The following FMO3 variants were observed in gnomAD, a reference collection of about 807,000 sequenced individuals.
The protein encoded by FMO3 is flavin containing dimethylaniline monoxygenase 3.
In FMO3, 40 loss-of-function variants were observed where a neutral mutation model predicts 39.4. The ratio of observed to expected loss-of-function variants is 1.02; its 90% CI spans 0.79 to 1.32. The LOEUF (loss-of-function observed/expected upper bound fraction) is 1.32. FMO3 is among the 40% of genes most tolerant of loss of function. The pLI, the probability that FMO3 is intolerant of heterozygous loss-of-function variation, is 0.00. For synonymous variants in FMO3, 219 were observed against 228.8 expected (o/e 0.96, Z 0.39); for missense variants, 680 against 651.8 (o/e 1.04, Z -0.47).
chr1:171,109,525 T>C (rs967055052), intron 5 of FMO3, among the ~76,000 whole-genome samples: 2 of 134,956 alleles, frequency 1.5e-5, no homozygotes, highest in Non-Finnish European at 3.1e-5. Flanking sequence ...TTTAGTCTCT[T>C]CTTTTTTTTT....
In FMO3 at chr1:171,117,418, C is replaced by A; in HGVS notation, c.1575C>A (p.Ile525=). The A allele has an allele frequency of 6.2e-7, 1 of 1,613,524 alleles. No homozygotes were observed. The highest frequency in any genetic ancestry group is 8.5e-7 in the Non-Finnish European group (1 of 1,179,726). Residue 525 remains isoleucine, a synonymous_variant, in exon 9 of 9, where the codon ATC becomes ATA. Coordinates refer to ENST00000367755, the MANE Select transcript of FMO3 (RefSeq NM_001002294.3). ...TCTTTGCAATTCCTATTCTGTTAAT[C>A]GCTGTTTTCCTTGTGTTGACCTAAT... ...LKLFAIPILL[I]AVFLVLT
At chr1:171,110,166 T>G (rs1655842215) in intron 5 of FMO3, among the ~76,000 whole-genome samples, 1 of 152,332 alleles carries the variant, frequency 6.6e-6, no homozygotes, top group East Asian at 1.9e-4. Context: ...CATTAATAAG[T>G]AGGAGAGCCA....
chr1:171,108,242 G>A (rs762128477), intron 5 of FMO3, 21 bp downstream of exon 5: 24 of 1,613,272 alleles, frequency 1.5e-5, no homozygotes, highest in African/African-American at 5.3e-5. Flanking sequence ...CCGGGTACTC[G>A]GGTGACTCTC....
At chr1:171,112,164 G>A (rs1266281469) in intron 6 of FMO3, among the ~76,000 whole-genome samples, 1 of 152,250 alleles carries the variant, frequency 6.6e-6, no homozygotes, top group African/African-American at 2.4e-5. Flanking sequence ...AGAATGAGGG[G>A]AGAATGCCAG....
At chr1:171,116,783 C>A (rs895595229) in intron 8 of FMO3, among the ~76,000 whole-genome samples, 3 of 152,142 alleles carry the variant, frequency 2.0e-5, no homozygotes, top group African/African-American at 7.2e-5. Context: ...ATAGAAGGGT[C>A]ATTTGAGCAA....
intron 2 of FMO3, among the ~76,000 whole-genome samples, chr1:171,093,513 A>G (rs1352632946): frequency 6.6e-6 from 1 of 150,892 alleles, no homozygotes; most frequent in East Asian, 1.9e-4. Context: ...ATACATACAT[A>G]TATATGTATA....
chr1:171,106,239 C>A (rs1306888631), intron 3 of FMO3, among the ~76,000 whole-genome samples: 1 of 151,758 alleles, frequency 6.6e-6, no homozygotes, highest in African/African-American at 2.4e-5. Flanking sequence ...CTCCTAGGTT[C>A]AAGTGATTCT....
chr1:171,106,419 C>T (rs28363542), intron 3 of FMO3, among the ~76,000 whole-genome samples: 2,979 of 152,182 alleles, frequency 0.02, 40 homozygotes, highest in Middle Eastern at 0.051. Flanking sequence ...GGATTACAGG[C>T]GTAAGCCACC....
At chr1:171,093,006 G>A (rs1339293935) in intron 2 of FMO3, among the ~76,000 whole-genome samples, 2 of 152,084 alleles carry the variant, frequency 1.3e-5, no homozygotes, top group Non-Finnish European at 2.9e-5. Context: ...CTCCATTACA[G>A]TTCTCCCTTG....
chr1:171,116,695 C>T lies in FMO3; in HGVS notation c.1257-405C>T, dbSNP rs1352292677. 2.0e-5 allele frequency among the ~76,000 whole-genome samples: 3 copies of T among 152,150 alleles called. No homozygotes were observed. In the East Asian group the frequency reaches 5.8e-4, roughly 29 times the overall value. ...AGGTATACCTCTAATGAAAATGACT[C>T]AGAAAAGTGAGAATGAATCTGGAGA... On this transcript the variant is annotated intron_variant, in intron 8 of 8. Coordinates refer to ENST00000367755, the MANE Select transcript of FMO3 (RefSeq NM_001002294.3).
At chr1:171,106,021 A>G (rs533782000) in intron 3 of FMO3, among the ~76,000 whole-genome samples, 1 of 152,310 alleles carries the variant, frequency 6.6e-6, no homozygotes, top group East Asian at 1.9e-4. Flanking sequence ...AACTCTTATT[A>G]TAAAAAAGGA....
At chr1:171,111,445 C>T (rs764992050) in intron 6 of FMO3, among the ~76,000 whole-genome samples, 1 of 152,254 alleles carries the variant, frequency 6.6e-6, no homozygotes, top group East Asian at 1.9e-4. Context: ...TCAAAACAAA[C>T]CCAGATCTGC....
intron 2 of FMO3, 51 bp from the exon 3 acceptor site, chr1:171,103,734 T>A (rs765258464): frequency 1.4e-6 from 2 of 1,434,824 alleles, no homozygotes; most frequent in South Asian, 1.1e-5. Flanking sequence ...CTGACCATGA[T>A]CAGTATACTC....
intron 2 of FMO3, among the ~76,000 whole-genome samples, chr1:171,097,932 A>G (rs1655181562): frequency 6.6e-6 from 1 of 152,162 alleles, no homozygotes; most frequent in Admixed American, 6.5e-5. Flanking sequence ...TAGGTCTAAC[A>G]TTTAAGTCTT....
chr1:171,101,019 A>G (rs1655355844), intron 2 of FMO3: 2 of 433,048 alleles, frequency 4.6e-6, no homozygotes, highest in East Asian at 1.4e-4. Context: ...AGGTGATGTG[A>G]TGACCTCAAC....
intron 5 of FMO3, 141 bp from the exon 6 acceptor site, chr1:171,110,657 C>T: frequency 1.3e-6 from 1 of 775,586 alleles, no homozygotes; most frequent in Non-Finnish European, 2.3e-6. Flanking sequence ...TCAAAAAGGA[C>T]TGACAGCTGA....
Position 171,103,476 on chromosome 1 carries a change from A to G in FMO3, c.133-309A>G, listed in dbSNP as rs190674394. Among the ~76,000 whole-genome samples the G allele has an allele frequency of 1.1e-3, 169 of 152,326 alleles. 1 individual carries two copies. Among genetic ancestry groups the G allele is most frequent in the Admixed American group, 2.1e-3 (32 of 15,296 alleles). On this transcript the variant is annotated intron_variant, in intron 2 of 8. Coordinates refer to ENST00000367755, the MANE Select transcript of FMO3 (RefSeq NM_001002294.3). The stretch of plus-strand genomic sequence containing the variant: ...AACCCACCATTGATTTAAAAAATCC[A>G]AAAATAAAAATAAAAAATCAAAATC...
At chr1:171,091,150 T>C (rs1654682373) in intron 1 of FMO3, among the ~76,000 whole-genome samples, 169 bp downstream of exon 1, 1 of 151,008 alleles carries the variant, frequency 6.6e-6, no homozygotes, top group Non-Finnish European at 1.5e-5. Context: ...CACTTGAATC[T>C]GGGAGGCAGA....
Position 171,114,002 on chromosome 1 carries a change from T to A in FMO3, c.828-5T>A. On this transcript the variant is annotated splice_region_variant and splice_polypyrimidine_tract_variant and intron_variant, in intron 6 of 8. Coordinates refer to ENST00000367755, the MANE Select transcript of FMO3 (RefSeq NM_001002294.3). ...TTCCAATAATTGTCTCTGTTTTCCA[T>A]ACAGAGTCCTGAGGAAAGAGCCTGT... 1 of 1,552,646 alleles carries A rather than the reference T, an allele frequency of 6.4e-7. No homozygotes were observed. The highest frequency in any genetic ancestry group is 1.4e-5 in the African/African-American group (1 of 73,276).
Sources: allele counts gnomAD v4.1 joint callset (sites outside exome capture counted in the v4.1 genomes callset), GRCh38; gene constraint gnomAD v4.1.1; transcripts MANE v1.5; gene names NCBI Gene and HGNC (gene_info 2026-07-23, HGNC 2026-07-21).